Variants in CNTNAP2 observed in about 807,000 individuals in gnomAD.
CNTNAP2 encodes the protein contactin associated protein 2.
A neutral mutation model predicts 155.2 loss-of-function variants in CNTNAP2; 98 were observed. The ratio of observed to expected loss-of-function variants is 0.63; its 90% confidence interval spans 0.54 to 0.75. CNTNAP2 has a LOEUF of 0.75. Ranked by LOEUF, CNTNAP2 falls within the 30% of genes least tolerant of loss-of-function variation. The pLI is 0.00. For synonymous variants in CNTNAP2, 651 were observed against 631.2 expected (o/e 1.03, Z -0.47); for missense variants, 1,727 against 1,688.1 (o/e 1.02, Z -0.40).
chr7:146,521,411 T>A (rs1163194211), intron 1 of CNTNAP2, among the ~76,000 whole-genome samples: 1 of 151,960 alleles, frequency 6.6e-6, no homozygotes, highest in Non-Finnish European at 1.5e-5. Context: ...ATTCAGCCGA[T>A]TTTTTTGTAC....
chr7:147,975,075 T>TATTATGC (rs1801405275), intron 14 of CNTNAP2, among the ~76,000 whole-genome samples: 2 of 151,710 alleles, frequency 1.3e-5, no homozygotes, highest in South Asian at 4.1e-4. Flanking sequence ...TTGTATTATG[T>TATTATGC]ATAATACAAT....
intron 1 of CNTNAP2, among the ~76,000 whole-genome samples, chr7:146,462,018 A>T (rs559120052): frequency 9.2e-5 from 14 of 152,246 alleles, no homozygotes; most frequent in African/African-American, 3.1e-4. Context: ...AAATATTCTA[A>T]ATTTTTTCTT....
chr7:147,346,115 C>T (rs1442342865), intron 9 of CNTNAP2, among the ~76,000 whole-genome samples: 1 of 151,088 alleles, frequency 6.6e-6, no homozygotes. Context: ...TTGGCTGTGT[C>T]CCATAATCGA....
At chr7:147,517,249 T>C (rs1799144371) in intron 11 of CNTNAP2, among the ~76,000 whole-genome samples, 1 of 152,172 alleles carries the variant, frequency 6.6e-6, no homozygotes, top group Non-Finnish European at 1.5e-5. Context: ...TGGGATCTGA[T>C]GCTATTCACA....
At chr7:147,887,333 T>C (rs1025595972) in intron 13 of CNTNAP2, among the ~76,000 whole-genome samples, 5 of 152,124 alleles carry the variant, frequency 3.3e-5, no homozygotes, top group African/African-American at 1.2e-4. Flanking sequence ...TAGCCAGATG[T>C]GGTGGCAGGC....
At chr7:146,995,067 A>G (rs1038145173) in intron 3 of CNTNAP2, among the ~76,000 whole-genome samples, 1 of 152,050 alleles carries the variant, frequency 6.6e-6, no homozygotes, top group Non-Finnish European at 1.5e-5. Context: ...TTGATTCTAC[A>G]TATGAGTGAG....
rs145041963 is a variant in CNTNAP2, at chr7:146,853,764, C to CTGG, written c.402+13861_402+13863dup. Among the ~76,000 whole-genome samples the CTGG allele has an allele frequency of 5.9e-3, 903 of 152,134 alleles. 10 individuals are homozygous for CTGG. The highest frequency in any genetic ancestry group is 0.021 in the African/African-American group (858 of 41,492). On this transcript the variant is annotated intron_variant, in intron 3 of 23. Transcript: ENST00000361727. ...GGGGTTTATTTTGTCCTGTTAAATG[C>CTGG]TGGGTCTCATCAGCTAGGAAAGTGC...
chr7:147,640,521 T>C (rs1012953258), intron 13 of CNTNAP2, among the ~76,000 whole-genome samples: 9 of 152,146 alleles, frequency 5.9e-5, no homozygotes, highest in Non-Finnish European at 1.2e-4. Flanking sequence ...CTTTGTGCTA[T>C]GTCAGAGACC....
rs371705213 is a variant in CNTNAP2, at chr7:147,409,880, A to G, written c.1670+14100A>G. On this transcript the variant is annotated intron_variant, in intron 10 of 23. Transcript: ENST00000361727. ...CCATCTCAGGCTAGTCAAAATGGCTATTATTAAAACGTCAGAAAATAACAA... is the reference window on the plus strand; with the variant it reads ...CCATCTCAGGCTAGTCAAAATGGCTGTTATTAAAACGTCAGAAAATAACAA... Among the ~76,000 whole-genome samples, 3 of 152,208 alleles carry G rather than the reference A, an allele frequency of 2.0e-5. No homozygotes were observed. The East Asian group carries it at 5.8e-4, about 29-fold the overall frequency.
chr7:146,828,677 A>C (rs1803453281), intron 2 of CNTNAP2, among the ~76,000 whole-genome samples: 1 of 152,064 alleles, frequency 6.6e-6, no homozygotes, highest in African/African-American at 2.4e-5. Context: ...TGGCCACAGT[A>C]TTTTCAGGAC....
chr7:146,426,185 CAAAAAAAA>C (rs57484419), intron 1 of CNTNAP2, among the ~76,000 whole-genome samples: 15 of 54,634 alleles, frequency 2.7e-4, no homozygotes, highest in African/African-American at 8.2e-4. Flanking sequence ...GACTTCGCCT[CAAAAAAAA>C]AAAAAAAAAA....
intron 9 of CNTNAP2, among the ~76,000 whole-genome samples, chr7:147,368,709 T>C (rs1796289017): frequency 6.6e-6 from 1 of 152,190 alleles, no homozygotes; most frequent in Non-Finnish European, 1.5e-5. Context: ...AAGGGCATTG[T>C]TTGACTTATG....
At chr7:146,700,766 G>A (rs144449650) in intron 1 of CNTNAP2, among the ~76,000 whole-genome samples, 129 of 152,220 alleles carry the variant, frequency 8.5e-4, no homozygotes, top group African/African-American at 3.0e-3. Context: ...TTAGCTCTGC[G>A]TGCAGGCAGG....
In CNTNAP2 at chr7:147,424,961, C is replaced by T. The variant is rs145918185; in HGVS notation, c.1670+29181C>T. 1.1e-3 allele frequency among the ~76,000 whole-genome samples: 175 copies of T among 152,224 alleles called. No homozygotes were observed. The Middle Eastern group carries it at 0.014, about 12-fold the overall frequency. On this transcript the variant is annotated intron_variant, in intron 10 of 23. Coordinates refer to ENST00000361727, the MANE Select transcript of CNTNAP2 (RefSeq NM_014141.6). ...ATCTTCATCTCCATTGTATCCACTT[C>T]TAGGCCACCTGTTGGATGGACTGCT... is the stretch of plus-strand genomic sequence containing the variant.
chr7:148,267,703 T>C (rs1357626356), intron 21 of CNTNAP2, among the ~76,000 whole-genome samples: 3 of 151,048 alleles, frequency 2.0e-5, no homozygotes, highest in Non-Finnish European at 4.4e-5. Context: ...ACATTGTGAT[T>C]GGTAATGGGG....
At chr7:148,359,326 C>A (rs7785581) in intron 21 of CNTNAP2, among the ~76,000 whole-genome samples, 2,972 of 152,336 alleles carry the variant, frequency 0.02, 94 homozygotes, top group African/African-American at 0.068. Flanking sequence ...GTACTTGCTA[C>A]AGTTGCAATA....
chr7:147,347,425 TATATATATATATATGC>T (rs1252186348), intron 9 of CNTNAP2, among the ~76,000 whole-genome samples: 8 of 47,200 alleles, frequency 1.7e-4, no homozygotes, highest in Admixed American at 9.3e-4. Context: ...AAAGATTATA[TATATATATATATATGC>T]ATATATATAT....
At chr7:147,200,681 T>C (rs1563113747) in intron 8 of CNTNAP2, among the ~76,000 whole-genome samples, 1 of 152,200 alleles carries the variant, frequency 6.6e-6, no homozygotes, top group Non-Finnish European at 1.5e-5. Flanking sequence ...TTAGTGTCTC[T>C]GCTCACAAGG....
intron 15 of CNTNAP2, among the ~76,000 whole-genome samples, chr7:148,109,964 C>T (rs1217132947): frequency 6.6e-6 from 1 of 152,098 alleles, no homozygotes; most frequent in Non-Finnish European, 1.5e-5. Flanking sequence ...TTCCTTCAGA[C>T]CCCCATTAAA....
Sources: allele counts gnomAD v4.1 joint callset (sites outside exome capture counted in the v4.1 genomes callset), GRCh38; gene constraint gnomAD v4.1.1; transcripts MANE v1.5; gene names NCBI Gene and HGNC (gene_info 2026-07-23, HGNC 2026-07-21).